USP39: variants seen among roughly 807,000 people sequenced by gnomAD.
USP39 encodes the protein ubiquitin specific peptidase 39.
Under a neutral mutation model 66.4 loss-of-function variants are expected in USP39, and 38 were observed. That is an observed-to-expected ratio of 0.57 (90% CI 0.44 to 0.75). The LOEUF is 0.75. Ranked by LOEUF, USP39 falls within the 30% of genes least tolerant of loss-of-function variation. The pLI, the probability that USP39 is intolerant of heterozygous loss-of-function variation, is 0.00. For missense variants in USP39, 608 were observed against 714.4 expected, an observed-to-expected ratio of 0.85 and a Z score of 1.70; for synonymous variants, 303 against 274.6, an observed-to-expected ratio of 1.10 and a Z score of -1.02.
chr2:85,611,924 T>G, upstream of USP39: 1 of 1,588,916 alleles, frequency 6.3e-7, no homozygotes, highest in Non-Finnish European at 8.5e-7. Context: ...CCGTGGTTCA[T>G]GTCCAGCCGC....
intron 3 of USP39, among the ~76,000 whole-genome samples, chr2:85,622,337 G>A (rs1198999272): frequency 1.3e-5 from 2 of 151,458 alleles, no homozygotes; most frequent in African/African-American, 4.9e-5. Context: ...TGGCCACACT[G>A]GTCTTGAACT....
At chr2:85,611,538 G>C (rs766784204), upstream of USP39, 17 of 1,550,934 alleles carry the variant, frequency 1.1e-5, no homozygotes, top group Middle Eastern at 1.7e-4. Context: ...GGAGCGCTGA[G>C]GTGGAGGTTC....
chr2:85,626,148 T>A (rs1313352455), intron 5 of USP39, among the ~76,000 whole-genome samples: 1 of 151,900 alleles, frequency 6.6e-6, no homozygotes, highest in African/African-American at 2.4e-5. Context: ...TCACCTGAGG[T>A]CAGGAGTTCG....
At chr2:85,608,758 G>A, upstream of USP39, 1 of 428,420 alleles carries the variant, frequency 2.3e-6, no homozygotes, top group Non-Finnish European at 4.0e-6. Flanking sequence ...CTGGGCAAAT[G>A]GGTCAACATA....
rs574909780 is a variant in USP39 at position 85,606,162 on chromosome 2, TTG to T, written n.226+3092_226+3093del. On this transcript the variant is annotated intron_variant and non_coding_transcript_variant, in intron 1 of 12. Transcript: ENST00000459775. ...ATGGGCATGAGATATGCCTATCAGA[TTG>T]TGTGTGTGTGCGCGTTTTTTAAAGA... is the stretch of plus-strand genomic sequence containing the variant. Among the ~76,000 whole-genome samples, 30 of 152,126 alleles carry T rather than the reference TTG, an allele frequency of 2.0e-4. No homozygotes were observed. The South Asian group carries it at 4.2e-3, about 21-fold the overall frequency.
upstream of USP39, among the ~76,000 whole-genome samples, chr2:85,612,951 G>T (rs1376252891): frequency 6.9e-6 from 1 of 144,268 alleles, no homozygotes. Flanking sequence ...ATGAGCCACC[G>T]TGCCCGGCCC....
At chr2:85,624,571 T>G (rs986367195) in intron 4 of USP39, among the ~76,000 whole-genome samples, 3 of 152,262 alleles carry the variant, frequency 2.0e-5, no homozygotes, top group Non-Finnish European at 4.4e-5. Context: ...GTTCATGCTC[T>G]GTTTATTTTT....
At chr2:85,633,180 G>A (rs1237185427) in intron 6 of USP39, among the ~76,000 whole-genome samples, 1 of 152,118 alleles carries the variant, frequency 6.6e-6, no homozygotes, top group African/African-American at 2.4e-5. Context: ...GAGTGCAGTG[G>A]TGTGATCTCG....
intron 2 of USP39, among the ~76,000 whole-genome samples, chr2:85,619,636 A>G (rs567222852): frequency 1.2e-4 from 18 of 151,300 alleles, no homozygotes; most frequent in Non-Finnish European, 2.4e-4. Context: ...TTGAAAGCTG[A>G]GGTAGTTTAC....
intron 12 of USP39, 44 bp from the exon 13 acceptor site, chr2:85,648,717 C>T (rs1676830722): frequency 1.9e-6 from 3 of 1,608,270 alleles, no homozygotes; most frequent in African/African-American, 1.3e-5. Context: ...TGTCTGTTGA[C>T]TGAATGCCTC....
At chr2:85,605,050 T>G (rs1673167965) in intron 1 of USP39, among the ~76,000 whole-genome samples, 1 of 152,216 alleles carries the variant, frequency 6.6e-6, no homozygotes, top group Non-Finnish European at 1.5e-5. Flanking sequence ...TAGGACCAGA[T>G]GTCTTTAAAA....
At chr2:85,611,141 A>G, upstream of USP39, 1 of 540,928 alleles carries the variant, frequency 1.8e-6, no homozygotes, top group Non-Finnish European at 2.5e-6. Flanking sequence ...TCGGGAGGCT[A>G]AGGCTGCAGT....
In USP39 at chr2:85,616,444, G is replaced by T. The variant is rs1673956387; in HGVS notation, c.249G>T (p.Glu83Asp). Residue 83 changes from glutamate (E) to aspartate (D), a missense_variant, in exon 1 of 13, where the codon GAG becomes GAT. Glu to Asp is a conservative substitution (Grantham distance 45, BLOSUM62 2). Transcript: ENST00000323701. ...KREREVDEDSEPEREVRAKNG... is the reference protein window; with the variant it reads ...KREREVDEDSDPEREVRAKNG... ...AGCGCGAGGTCGATGAGGACTCGGA[G>T]CCTGAGCGGGAGGTGCGAGGTGCGC... The T allele has an allele frequency of 1.9e-6, 3 of 1,563,834 alleles. No homozygotes were observed. Among genetic ancestry groups the T allele is most frequent in the South Asian group, 1.2e-5 (1 of 86,520 alleles).
chr2:85,642,851 A>G (rs1215560671), intron 10 of USP39, among the ~76,000 whole-genome samples: 1 of 152,154 alleles, frequency 6.6e-6, no homozygotes, highest in Non-Finnish European at 1.5e-5. Context: ...ATTTGGAGAT[A>G]GAGATTTTTG....
chr2:85,611,242 C>G (rs1293243151), upstream of USP39: 1 of 1,341,906 alleles, frequency 7.5e-7, no homozygotes, highest in Non-Finnish European at 9.5e-7. Flanking sequence ...AGTAATAATG[C>G]TTAACAAAAA....
At chr2:85,611,969 G>C, upstream of USP39, 4 of 1,528,570 alleles carry the variant, frequency 2.6e-6, no homozygotes, top group Non-Finnish European at 3.5e-6. Flanking sequence ...GGCCGGGGAT[G>C]CGGCCCCGCC....
chr2:85,639,439 C>G, intron 9 of USP39, 48 bp downstream of exon 9: 1 of 1,445,250 alleles, frequency 6.9e-7, no homozygotes, highest in South Asian at 1.3e-5. Flanking sequence ...CTCGCTCTCT[C>G]GACTTTTTCA....
chr2:85,612,352 T>G (rs537931314), upstream of USP39: 29 of 1,536,094 alleles, frequency 1.9e-5, no homozygotes, highest in Non-Finnish European at 2.4e-5. Flanking sequence ...CTTCCCATCT[T>G]TTTTCTGGTA....
intron 12 of USP39, among the ~76,000 whole-genome samples, chr2:85,648,493 CTT>C (rs1676816340): frequency 6.6e-6 from 1 of 152,158 alleles, no homozygotes; most frequent in Non-Finnish European, 1.5e-5. Context: ...TCTGTCTTCT[CTT>C]TATGTAACTG....
Sources: allele counts gnomAD v4.1 joint callset (sites outside exome capture counted in the v4.1 genomes callset), GRCh38; gene constraint gnomAD v4.1.1; transcripts MANE v1.5; gene names NCBI Gene and HGNC (gene_info 2026-07-23, HGNC 2026-07-21).